The following TMC1 variants were observed in gnomAD, a reference collection of about 807,000 sequenced individuals.
TMC1 encodes transmembrane channel-like protein 1.
TMC1 carries 84 observed loss-of-function variants against 105.8 expected under a neutral mutation model. That is an observed-to-expected ratio of 0.79 (90% CI 0.67 to 0.95). TMC1 has a LOEUF of 0.95. Among genes scored for constraint, TMC1 ranks in the 40% least tolerant of loss-of-function variants. TMC1 has a pLI of 0.00. For synonymous variants in TMC1, 315 were observed against 311.5 expected, an observed-to-expected ratio of 1.01 and a Z score of -0.12; for missense variants, 817 against 914.1, an observed-to-expected ratio of 0.89 and a Z score of 1.37.
At chr9:72,703,942 T>TA (rs1297699847) in intron 8 of TMC1, among the ~76,000 whole-genome samples, 2 of 152,192 alleles carry the variant, frequency 1.3e-5, no homozygotes, top group African/African-American at 4.8e-5. Context: ...GTGCCTGACT[T>TA]ATCTCTCTTT....
intron 23 of TMC1, among the ~76,000 whole-genome samples, chr9:72,831,238 C>T (rs1829036998): frequency 6.6e-6 from 1 of 152,108 alleles, no homozygotes; most frequent in Admixed American, 6.5e-5. Context: ...AAGGTGATAC[C>T]TAAGACCTTT....
intron 1 of TMC1, among the ~76,000 whole-genome samples, chr9:72,559,927 G>A (rs1273088554): frequency 6.6e-6 from 1 of 152,196 alleles, no homozygotes; most frequent in Non-Finnish European, 1.5e-5. Context: ...AGACCTCAAT[G>A]TATTTAGGAG....
chr9:72,785,582 G>A (rs901389924), intron 13 of TMC1, among the ~76,000 whole-genome samples: 6 of 152,114 alleles, frequency 3.9e-5, no homozygotes, highest in African/African-American at 1.4e-4. Context: ...TGAAATAAGG[G>A]TTACTTGAAC....
chr9:72,703,295 T>G (rs992219299), intron 8 of TMC1, among the ~76,000 whole-genome samples: 12 of 152,036 alleles, frequency 7.9e-5, no homozygotes, highest in Admixed American at 7.2e-4. Context: ...TTTGGCTAAT[T>G]TTTTCTTTTT....
intron 1 of TMC1, among the ~76,000 whole-genome samples, chr9:72,543,723 A>C (rs937205849): frequency 1.3e-5 from 2 of 152,022 alleles, no homozygotes; most frequent in Admixed American, 6.6e-5. Context: ...ATATATATAT[A>C]AAGTTTGATC....
At chr9:72,781,764 A>G (rs1397773149) in intron 13 of TMC1, among the ~76,000 whole-genome samples, 2 of 152,206 alleles carry the variant, frequency 1.3e-5, no homozygotes, top group Non-Finnish European at 2.9e-5. Context: ...TGAACCAGGA[A>G]GAAATTGAAA....
At chr9:72,548,683 T>C (rs914124316) in intron 1 of TMC1, among the ~76,000 whole-genome samples, 1 of 151,986 alleles carries the variant, frequency 6.6e-6, no homozygotes, top group African/African-American at 2.4e-5. Context: ...CAATTGACAG[T>C]GCATGTCAAA....
At chr9:72,612,303 TG>T (rs1825041406) in intron 2 of TMC1, among the ~76,000 whole-genome samples, 1 of 152,138 alleles carries the variant, frequency 6.6e-6, no homozygotes, top group Non-Finnish European at 1.5e-5. Context: ...CTTGAGTAGC[TG>T]GGACTACAGG....
At chr9:72,740,532 G>A (rs1588058951) in intron 9 of TMC1, among the ~76,000 whole-genome samples, 2 of 152,102 alleles carry the variant, frequency 1.3e-5, no homozygotes, top group African/African-American at 4.8e-5. Flanking sequence ...TTCTGGTCAA[G>A]TTGTTTTTCT....
At chr9:72,551,078 G>A (rs2132071990) in intron 1 of TMC1, among the ~76,000 whole-genome samples, 1 of 152,238 alleles carries the variant, frequency 6.6e-6, no homozygotes, top group African/African-American at 2.4e-5. Context: ...TGGAGGAAGG[G>A]GCTGAGAGTG....
At chr9:72,599,320 C>T (rs1388935867) in intron 2 of TMC1, among the ~76,000 whole-genome samples, 2 of 152,158 alleles carry the variant, frequency 1.3e-5, no homozygotes, top group Non-Finnish European at 2.9e-5. Flanking sequence ...CATGAACCAC[C>T]ACACCTGGCC....
chr9:72,591,593 C>A (rs1250853191), intron 2 of TMC1, among the ~76,000 whole-genome samples: 1 of 152,196 alleles, frequency 6.6e-6, no homozygotes, highest in Non-Finnish European at 1.5e-5. Flanking sequence ...GATGGTCTCA[C>A]ACTGTTGCGT....
At chr9:72,803,710 A>G (rs1828519923) in intron 17 of TMC1, among the ~76,000 whole-genome samples, 1 of 152,218 alleles carries the variant, frequency 6.6e-6, no homozygotes, top group Non-Finnish European at 1.5e-5. Context: ...CAGAATGGTG[A>G]TTATTAAAAA....
intron 8 of TMC1, among the ~76,000 whole-genome samples, chr9:72,718,504 G>A (rs948131811): frequency 6.6e-6 from 1 of 152,190 alleles, no homozygotes; most frequent in Non-Finnish European, 1.5e-5. Flanking sequence ...TGGAGCTACT[G>A]GTCTCTGGGC....
chr9:72,747,935 G>A (rs1292551118), intron 10 of TMC1, among the ~76,000 whole-genome samples: 2 of 152,096 alleles, frequency 1.3e-5, no homozygotes, highest in African/African-American at 4.8e-5. Context: ...TATGGAAGCA[G>A]CATTTATCAG....
intron 8 of TMC1, among the ~76,000 whole-genome samples, chr9:72,711,785 T>A (rs1321540375): frequency 1.3e-5 from 2 of 152,242 alleles, no homozygotes; most frequent in Non-Finnish European, 2.9e-5. Flanking sequence ...AGATCCCATT[T>A]GTAAATTTTG....
intron 1 of TMC1, among the ~76,000 whole-genome samples, chr9:72,542,402 G>T (rs1037854834): frequency 6.6e-6 from 1 of 152,114 alleles, no homozygotes; most frequent in African/African-American, 2.4e-5. Flanking sequence ...GGAGGTTGCA[G>T]TGAGCTGAGG....
At chr9:72,814,006 T>C (rs1215300851) in intron 18 of TMC1, among the ~76,000 whole-genome samples, 1 of 152,188 alleles carries the variant, frequency 6.6e-6, no homozygotes, top group East Asian at 1.9e-4. Context: ...GTGTCCTTTA[T>C]GCTTTTCTAG....
intron 1 of TMC1, among the ~76,000 whole-genome samples, chr9:72,573,986 T>C (rs1824332693): frequency 6.6e-6 from 1 of 152,204 alleles, no homozygotes; most frequent in Non-Finnish European, 1.5e-5. Flanking sequence ...TGTTTTCTTC[T>C]TTGTGTTCAT....
Sources: allele counts gnomAD v4.1 joint callset (sites outside exome capture counted in the v4.1 genomes callset), GRCh38; gene constraint gnomAD v4.1.1; transcripts MANE v1.5; gene names NCBI Gene and HGNC (gene_info 2026-07-23, HGNC 2026-07-21).